The following GSG1L variants were observed in gnomAD, a reference collection of about 807,000 sequenced individuals.
GSG1L encodes GSG1 like.
GSG1L carries 24 observed loss-of-function variants against 42.1 expected under a neutral mutation model. The observed-to-expected ratio is 0.57, with a 90% CI of 0.41 to 0.80. The LOEUF is 0.80. GSG1L is among the 30% of genes least tolerant of loss of function. The pLI is 0.00. For synonymous variants in GSG1L, 215 were observed against 203.5 expected (o/e 1.06, Z -0.48); for missense variants, 445 against 472.2 (o/e 0.94, Z 0.53).
At chr16:27,902,776 T>C (rs1414429958) in intron 2 of GSG1L, among the ~76,000 whole-genome samples, 1 of 152,062 alleles carries the variant, frequency 6.6e-6, no homozygotes, top group Non-Finnish European at 1.5e-5. Flanking sequence ...ATCTGTAAAA[T>C]GGAATGAAAA....
At chr16:27,874,883 ACC>A (rs1439594103) in intron 3 of GSG1L, among the ~76,000 whole-genome samples, 1 of 152,070 alleles carries the variant, frequency 6.6e-6, no homozygotes, top group African/African-American at 2.4e-5. Context: ...TGGCCTGGGG[ACC>A]CCTGAACTTG....
chr16:27,884,422 A>G lies in GSG1L; in HGVS notation c.550+64T>C, dbSNP rs1304798826. ...CTCCCGGTTGGTACAACCAGGGCTT[A>G]CTCCAAGGGCAGCACCCTTTCTCGC... is the stretch of plus-strand genomic sequence containing the variant. On this transcript the variant is annotated intron_variant, in intron 3 of 6. Transcript: ENST00000447459. The surrounding 1 kb of genome is among the most constrained non-coding windows in gnomAD (Gnocchi z 4.4). The G allele has an allele frequency of 5.4e-6, 8 of 1,486,950 alleles. No individual in the cohort carries two copies. Among genetic ancestry groups the G allele is most frequent in the Non-Finnish European group, 7.3e-6 (8 of 1,095,932 alleles). The allele number at this position is 1,486,950 out of a possible 1,614,324, so 92.1% of individuals were successfully genotyped here.
chr16:27,860,056 T>C (rs8058942), intron 3 of GSG1L, among the ~76,000 whole-genome samples: 1 of 152,094 alleles, frequency 6.6e-6, no homozygotes, highest in Non-Finnish European at 1.5e-5. Flanking sequence ...GGCTCAGAGC[T>C]GGGTTTAGGA....
chr16:27,961,965 A>G (rs2085077750), intron 2 of GSG1L, among the ~76,000 whole-genome samples: 1 of 152,194 alleles, frequency 6.6e-6, no homozygotes, highest in Non-Finnish European at 1.5e-5. Context: ...GAATGTCACC[A>G]GCTTCCAGGA....
chr16:27,920,907 T>C (rs1403438171), intron 2 of GSG1L, among the ~76,000 whole-genome samples: 1 of 152,092 alleles, frequency 6.6e-6, no homozygotes, highest in African/African-American at 2.4e-5. Flanking sequence ...TGTTTAGTCG[T>C]GGGGAATAAG....
intron 1 of GSG1L, among the ~76,000 whole-genome samples, chr16:28,044,694 G>A (rs1018822267): frequency 4.0e-5 from 6 of 150,242 alleles, no homozygotes; most frequent in African/African-American, 1.5e-4. Context: ...CACGATCTCG[G>A]TTTACTGCAA....
chr16:27,931,116 C>T (rs1366121477), intron 2 of GSG1L, among the ~76,000 whole-genome samples: 3 of 152,208 alleles, frequency 2.0e-5, no homozygotes, highest in Admixed American at 6.5e-5. Flanking sequence ...CCAGGTATCT[C>T]TCCAGGTCAT....
intron 1 of GSG1L, among the ~76,000 whole-genome samples, chr16:28,056,144 G>A (rs1271438381): frequency 1.3e-5 from 2 of 152,056 alleles, no homozygotes; most frequent in African/African-American, 4.8e-5. Context: ...TGAAAACTTA[G>A]TCCCTGCTGT....
intron 2 of GSG1L, among the ~76,000 whole-genome samples, chr16:27,903,507 G>A (rs2084287445): frequency 6.6e-6 from 1 of 152,200 alleles, no homozygotes; most frequent in Admixed American, 6.5e-5. Context: ...TTCCTCTGAT[G>A]TGTGTCCCAC....
chr16:27,936,569 C>T (rs952048882), intron 2 of GSG1L, among the ~76,000 whole-genome samples: 1 of 152,140 alleles, frequency 6.6e-6, no homozygotes, highest in African/African-American at 2.4e-5. Context: ...ATGCAGGCTT[C>T]TCGTACAGCC....
intron 3 of GSG1L, among the ~76,000 whole-genome samples, chr16:27,856,100 G>A (rs924916344): frequency 2.2e-4 from 33 of 152,198 alleles, no homozygotes; most frequent in Admixed American, 9.8e-4. Flanking sequence ...TGTCCTAGGC[G>A]TTAGTGGGTG....
At chr16:28,030,156 C>A (rs1188888018) in intron 1 of GSG1L, among the ~76,000 whole-genome samples, 1 of 152,204 alleles carries the variant, frequency 6.6e-6, no homozygotes, top group African/African-American at 2.4e-5. Flanking sequence ...TCCCTCCTCC[C>A]CTTGTCTAGT....
At chr16:27,923,675 G>A (rs931110905) in intron 2 of GSG1L, among the ~76,000 whole-genome samples, 10 of 150,562 alleles carry the variant, frequency 6.6e-5, no homozygotes, top group Middle Eastern at 6.9e-3. Flanking sequence ...CCAGGAGGTG[G>A]AGGTTGCAAG....
chr16:27,849,496 C>G (rs1025863699), intron 3 of GSG1L, among the ~76,000 whole-genome samples: 2 of 152,188 alleles, frequency 1.3e-5, no homozygotes, highest in South Asian at 4.1e-4. Flanking sequence ...TTTGTTTAGG[C>G]TGGTGTTGCT....
At chr16:27,955,937 G>A (rs2084999432) in intron 2 of GSG1L, among the ~76,000 whole-genome samples, 1 of 151,428 alleles carries the variant, frequency 6.6e-6, no homozygotes, top group Non-Finnish European at 1.5e-5. Context: ...AAGAAGGAAG[G>A]AAGGAAGGGA....
At chr16:27,986,067 T>C (rs560728472) in intron 1 of GSG1L, among the ~76,000 whole-genome samples, 4 of 152,170 alleles carry the variant, frequency 2.6e-5, no homozygotes, top group Non-Finnish European at 5.9e-5. Context: ...CTTAGTACTA[T>C]GACAGAATAT....
rs1409808132 is a variant in GSG1L, at chr16:28,059,515, C to T, written c.349+3561G>A. The stretch of plus-strand genomic sequence containing the variant: ...ATCTTCCCAAGCCACCCCTTTCCTG[C>T]GGCTCAAAAGCATACAGGATGAAGT... On this transcript the variant is annotated intron_variant, in intron 1 of 6. Coordinates refer to ENST00000447459, the MANE Select transcript of GSG1L (RefSeq NM_001109763.2). The surrounding 1 kb of genome is among the most constrained non-coding windows in gnomAD (Gnocchi z 4.4). Among the ~76,000 whole-genome samples the T allele has an allele frequency of 6.6e-5, 10 of 151,576 alleles. No individual in the cohort carries two copies. The highest frequency in any genetic ancestry group is 6.6e-4 in the Admixed American group (10 of 15,178).
chr16:28,002,103 G>A (rs1036944431), intron 1 of GSG1L, among the ~76,000 whole-genome samples: 2 of 152,186 alleles, frequency 1.3e-5, no homozygotes, highest in African/African-American at 4.8e-5. Flanking sequence ...GGATTCAGTG[G>A]TGCGCAAGAT....
In GSG1L at chr16:27,869,477, ATCTC is replaced by A. The variant is rs573479880; in HGVS notation, c.550+15005_550+15008del. The stretch of plus-strand genomic sequence containing the variant: ...TGCTTCTCTCTCTCTGTCTCCCTCC[ATCTC>A]TCTCTCTCCTTCTCTCTCTCTCTGT... On this transcript the variant is annotated intron_variant, in intron 3 of 6. Coordinates refer to ENST00000447459, the MANE Select transcript of GSG1L (RefSeq NM_001109763.2). Among the ~76,000 whole-genome samples, 72 of 128,236 alleles carry A rather than the reference ATCTC, an allele frequency of 5.6e-4. 2 individuals are homozygous for A. The highest frequency in any genetic ancestry group is 2.1e-3 in the African/African-American group (69 of 32,596). 84.1% of individuals were successfully genotyped at this position (128,236 alleles called of 152,430 possible).
Sources: allele counts gnomAD v4.1 joint callset (sites outside exome capture counted in the v4.1 genomes callset), GRCh38; gene constraint gnomAD v4.1.1; non-coding constraint Gnocchi (gnomAD v3.1); transcripts MANE v1.5; gene names NCBI Gene and HGNC (gene_info 2026-07-23, HGNC 2026-07-21).